The following FLRT2 variants were observed in gnomAD, a reference collection of about 807,000 sequenced individuals.
FLRT2 encodes the protein fibronectin leucine rich transmembrane protein 2, also known as leucine-rich repeat transmembrane protein FLRT2.
Under a neutral mutation model 40.0 loss-of-function variants are expected in FLRT2, and 15 were observed. That is an observed-to-expected ratio of 0.38 (90% CI 0.25 to 0.58). FLRT2 has a LOEUF of 0.58. FLRT2 is among the 20% of genes least tolerant of loss of function. FLRT2 has a pLI of 0.71. For missense variants in FLRT2, 726 were observed against 840.0 expected (o/e 0.86, Z 1.68); for synonymous variants, 380 against 336.8 (o/e 1.13, Z -1.41).
rs1891844686 is a variant in FLRT2, at chr14:85,590,712, T to C, written c.-376-30427T>C. ...CCTCCCCGGTTCAAGCAATTCTCTGTCTCAGCCTCCCGATAGCTGGGACTA... is the reference window on the plus strand; with the variant it reads ...CCTCCCCGGTTCAAGCAATTCTCTGCCTCAGCCTCCCGATAGCTGGGACTA... On this transcript the variant is annotated intron_variant, in intron 1 of 1. Coordinates refer to ENST00000330753, the MANE Select transcript of FLRT2 (RefSeq NM_013231.6). 2.0e-5 allele frequency among the ~76,000 whole-genome samples: 3 copies of C among 152,108 alleles called. No homozygotes were observed. In the South Asian group the frequency reaches 6.2e-4, roughly 32 times the overall value.
chr14:85,621,563 A>C lies in FLRT2; in HGVS notation c.49A>C (p.Lys17Gln), dbSNP rs1333042814. Residue 17 changes from lysine (K) to glutamine (Q), a missense_variant, in exon 2 of 2, where the codon AAG (lysine) becomes CAG (glutamine). By Grantham distance (53) the Lys-to-Gln change is moderately conservative (BLOSUM62 1). This residue lies in a region of FLRT2 where 106 missense variants were observed against 121.2 expected (regional missense o/e 0.87). Transcript: ENST00000330753. ...KWPSHGAFFLKSWLIISLGLY... is the reference protein window; with the variant it reads ...KWPSHGAFFLQSWLIISLGLY... ...GCCCAGCCATGGGGCTTTTTTCCTGAAGTCTTGGCTTATCATTTCCCTGGG... is the reference window on the plus strand; with the variant it reads ...GCCCAGCCATGGGGCTTTTTTCCTGCAGTCTTGGCTTATCATTTCCCTGGG... 1.9e-5 allele frequency: 30 copies of C among 1,613,358 alleles called. No individual in the cohort carries two copies. The highest frequency in any genetic ancestry group is 2.5e-5 in the Non-Finnish European group (30 of 1,179,832).
intron 1 of FLRT2, among the ~76,000 whole-genome samples, chr14:85,588,210 T>C (rs1322994174): frequency 6.6e-6 from 1 of 152,196 alleles, no homozygotes; most frequent in Admixed American, 6.5e-5. Context: ...TCTCCTCTTA[T>C]AGCTTCTTCT....
intron 1 of FLRT2, chr14:85,559,401 G>A (rs775544189): frequency 1.3e-5 from 2 of 152,178 alleles, no homozygotes; most frequent in African/African-American, 4.8e-5. Context: ...AAAAGAAGAA[G>A]GAATACTGGA....
intron 1 of FLRT2, chr14:85,561,251 G>A (rs1890298848): frequency 6.6e-6 from 1 of 152,158 alleles, no homozygotes; most frequent in South Asian, 2.1e-4. Flanking sequence ...GGTAATGGGA[G>A]CTGTACATGT....
In FLRT2 at chr14:85,641,407, T is replaced by A. The variant is rs74411744; in HGVS notation, c.*17910T>A. 3,679 of 152,340 alleles carry A rather than the reference T, an allele frequency of 0.024. 84 individuals carry two copies. Among genetic ancestry groups the A allele is most frequent in the East Asian group, 0.097 (504 of 5,170 alleles). The allele number at this position is 152,340 out of a possible 1,614,324, so 9.4% of individuals were successfully genotyped here. On this transcript the variant is annotated 3_prime_UTR_variant, in exon 2 of 2. Transcript: ENST00000330753. ...AGAAGTGAAGTGGAAACTCTCTTCT[T>A]ACTAATGTCAGTCTTGGGCCCAAGA...
At chr14:85,573,956 G>T (rs1481696327) in intron 1 of FLRT2, among the ~76,000 whole-genome samples, 1 of 152,192 alleles carries the variant, frequency 6.6e-6, no homozygotes, top group East Asian at 1.9e-4. Context: ...TGAGTTGCCA[G>T]ATCATTTTCA....
rs1002770577 is a variant in FLRT2, at chr14:85,637,389, C to T, written c.*13892C>T. 1.3e-5 allele frequency: 2 copies of T among 152,154 alleles called. No homozygotes were observed. Among genetic ancestry groups the T allele is most frequent in the African/African-American group, 4.8e-5 (2 of 41,448 alleles). 9.4% of individuals were successfully genotyped at this position (152,154 alleles called of 1,614,324 possible). ...GTGTTCTCCAGTCAAAAAACTTCAC[C>T]TCTTTAATGTTTGGTTTCATATTTT... On this transcript the variant is annotated 3_prime_UTR_variant, in exon 2 of 2. Transcript: ENST00000330753.
intron 1 of FLRT2, among the ~76,000 whole-genome samples, chr14:85,605,846 C>T (rs1364526176): frequency 1.3e-5 from 2 of 152,278 alleles, no homozygotes; most frequent in Non-Finnish European, 2.9e-5. Context: ...AATCTTTTGA[C>T]GTACAGCTCA....
rs1055756808 is a variant in FLRT2 at position 85,637,409 on chromosome 14, T to A, written c.*13912T>A. 6.6e-6 allele frequency: 1 copy of A among 152,240 alleles called. No homozygotes were observed. Among genetic ancestry groups the A allele is most frequent in the African/African-American group, 2.4e-5 (1 of 41,470 alleles). The allele number at this position is 152,240 out of a possible 1,614,324, so 9.4% of individuals were successfully genotyped here. ...TTCACCTCTTTAATGTTTGGTTTCA[T>A]ATTTTTTAAAAGGTATAACAAAAAC... On this transcript the variant is annotated 3_prime_UTR_variant, in exon 2 of 2. Transcript: ENST00000330753.
Position 85,624,730 on chromosome 14 carries a change from C to A in FLRT2, c.*1233C>A, listed in dbSNP as rs1440811984. On this transcript the variant is annotated 3_prime_UTR_variant, in exon 2 of 2. Coordinates refer to ENST00000330753, the MANE Select transcript of FLRT2 (RefSeq NM_013231.6). ...AGTATTTCAAGGAAAATTATGGATG[C>A]CAGTCTTGGCTGCACAAGATATCCA... 1 of 166,876 alleles carries A rather than the reference C, an allele frequency of 6.0e-6. No homozygotes were observed. Among genetic ancestry groups the A allele is most frequent in the African/African-American group, 2.4e-5 (1 of 41,422 alleles). 10.3% of individuals were successfully genotyped at this position (166,876 alleles called of 1,614,324 possible). A position where few individuals can be genotyped will look rare whatever the true frequency, so the allele number is the denominator to read the frequency against.
Position 85,645,162 on chromosome 14 carries a change from ATGTG to A in FLRT2, c.*21669_*21672del, listed in dbSNP as rs1894262405. ...GTAAAAAGTATATATATACACACAT[ATGTG>A]TGTATGTATATGTATACCTATATAT... On this transcript the variant is annotated 3_prime_UTR_variant, in exon 2 of 2. Transcript: ENST00000330753. 1.4e-5 allele frequency: 1 copy of A among 69,634 alleles called. No individual in the cohort carries two copies. Among genetic ancestry groups the A allele is most frequent in the South Asian group, 3.4e-4 (1 of 2,976 alleles). The allele number at this position is 69,634 out of a possible 1,614,324, so 4.3% of individuals were successfully genotyped here. A position where few individuals can be genotyped will look rare whatever the true frequency, so the allele number is the denominator to read the frequency against.
intron 1 of FLRT2, among the ~76,000 whole-genome samples, chr14:85,534,546 G>A (rs1315172031): frequency 2.0e-5 from 3 of 152,090 alleles, no homozygotes; most frequent in East Asian, 3.9e-4. Context: ...ACATTTTCAG[G>A]GGTGAGGTGA....
chr14:85,545,023 C>A (rs1020881303), intron 1 of FLRT2, among the ~76,000 whole-genome samples: 3 of 152,066 alleles, frequency 2.0e-5, no homozygotes, highest in Admixed American at 6.5e-5. Flanking sequence ...GTGGGAAACT[C>A]GTGAAAAAAC....
intron 1 of FLRT2, among the ~76,000 whole-genome samples, chr14:85,604,989 T>C (rs1892543656): frequency 1.3e-5 from 2 of 152,160 alleles, no homozygotes; most frequent in Admixed American, 6.5e-5. Flanking sequence ...AAGATGCCAG[T>C]AAGAATTCAT....
chr14:85,649,355 A>G lies in FLRT2; in HGVS notation c.*25858A>G, dbSNP rs1455421365. 1 of 152,144 alleles carries G rather than the reference A, an allele frequency of 6.6e-6. No individual in the cohort carries two copies. The highest frequency in any genetic ancestry group is 1.5e-5 in the Non-Finnish European group (1 of 67,996). The allele number at this position is 152,144 out of a possible 1,614,324, so 9.4% of individuals were successfully genotyped here. ...TGCAGATGCTGTAACTCTTATTTGC[A>G]TCCATTGGTCTTTTGGTTTATGTGC... On this transcript the variant is annotated 3_prime_UTR_variant, in exon 2 of 2. Transcript: ENST00000330753.
chr14:85,606,772 C>T (rs1892637081), intron 1 of FLRT2, among the ~76,000 whole-genome samples: 1 of 151,060 alleles, frequency 6.6e-6, no homozygotes, highest in African/African-American at 2.4e-5. Flanking sequence ...ATCTGCTTGC[C>T]TCAGCCTCCC....
intron 1 of FLRT2, among the ~76,000 whole-genome samples, chr14:85,577,423 A>T (rs1444420947): frequency 6.6e-6 from 1 of 152,152 alleles, no homozygotes; most frequent in East Asian, 1.9e-4. Flanking sequence ...TTCTAGTCAC[A>T]AGCTCACTGC....
rs1196571261 is a variant in FLRT2, at chr14:85,649,701, T to G, written c.*26204T>G. ...TCCACACTTTTCCTCACTATAAAAT[T>G]TAATGAACCTTATATCATTAATATT... is the stretch of plus-strand genomic sequence containing the variant. On this transcript the variant is annotated 3_prime_UTR_variant, in exon 2 of 2. Coordinates refer to ENST00000330753, the MANE Select transcript of FLRT2 (RefSeq NM_013231.6). The G allele has an allele frequency of 6.6e-6, 1 of 152,098 alleles. No individual in the cohort carries two copies. Among genetic ancestry groups the G allele is most frequent in the Non-Finnish European group, 1.5e-5 (1 of 67,982 alleles). The allele number at this position is 152,098 out of a possible 1,614,324, so 9.4% of individuals were successfully genotyped here. A position where few individuals can be genotyped will look rare whatever the true frequency, so the allele number is the denominator to read the frequency against.
At chr14:85,607,415 C>A (rs1296696134) in intron 1 of FLRT2, among the ~76,000 whole-genome samples, 1 of 152,156 alleles carries the variant, frequency 6.6e-6, no homozygotes, top group Non-Finnish European at 1.5e-5. Flanking sequence ...CACTTAGCAG[C>A]AGTTTTCATT....
Sources: allele counts gnomAD v4.1 joint callset (sites outside exome capture counted in the v4.1 genomes callset), GRCh38; gene constraint gnomAD v4.1.1; regional missense constraint gnomAD v4.1.1; transcripts MANE v1.5; gene names NCBI Gene and HGNC (gene_info 2026-07-23, HGNC 2026-07-21).